The following FAF1 variants were observed in gnomAD, a reference collection of about 807,000 sequenced individuals.
The protein encoded by FAF1 is Fas associated factor 1, also known as FAS-associated factor 1.
FAF1 carries 25 observed loss-of-function variants against 92.5 expected under a neutral mutation model. The observed-to-expected ratio is 0.27, with a 90% CI of 0.20 to 0.38. The LOEUF is 0.38. Among genes scored for constraint, FAF1 ranks in the 10% least tolerant of loss-of-function variants. FAF1 has a pLI of 1.00. For missense variants in FAF1, 636 were observed against 793.3 expected, an observed-to-expected ratio of 0.80 and a Z score of 2.38; for synonymous variants, 234 against 273.2, an observed-to-expected ratio of 0.86 and a Z score of 1.42.
chr1:50,731,631 G>A (rs919589144), intron 6 of FAF1, among the ~76,000 whole-genome samples: 13 of 152,006 alleles, frequency 8.6e-5, no homozygotes, highest in African/African-American at 2.9e-4. Flanking sequence ...GCATCCCAAA[G>A]TGCTGGGATT....
chr1:50,452,040 G>A, intron 18 of FAF1: 1 of 1,310,072 alleles, frequency 7.6e-7, no homozygotes, highest in Middle Eastern at 2.2e-4. Context: ...AAGGCCCAGA[G>A]GGGATTCTAT....
intron 2 of FAF1, among the ~76,000 whole-genome samples, chr1:50,807,483 C>G (rs1662253247): frequency 6.6e-6 from 1 of 152,198 alleles, no homozygotes; most frequent in Non-Finnish European, 1.5e-5. Context: ...ACTATCAGAT[C>G]TCATGAGAAC....
chr1:50,898,510 T>A (rs1181613222), intron 1 of FAF1, among the ~76,000 whole-genome samples: 5 of 152,230 alleles, frequency 3.3e-5, no homozygotes, highest in Non-Finnish European at 5.9e-5. Context: ...AAATTCTGTA[T>A]AATATGCTAC....
chr1:50,508,895 G>A (rs1276636491), intron 15 of FAF1, among the ~76,000 whole-genome samples: 1 of 152,078 alleles, frequency 6.6e-6, no homozygotes, highest in Non-Finnish European at 1.5e-5. Flanking sequence ...GTAGAGACGG[G>A]GTTTCACCAT....
intron 1 of FAF1, among the ~76,000 whole-genome samples, chr1:50,948,772 G>C (rs529640138): frequency 1.3e-5 from 2 of 151,928 alleles, no homozygotes; most frequent in African/African-American, 4.8e-5. Context: ...GTGATCCACC[G>C]GCCTTGGCCT....
intron 2 of FAF1, among the ~76,000 whole-genome samples, chr1:50,814,402 T>G (rs955104187): frequency 2.6e-5 from 4 of 152,106 alleles, no homozygotes; most frequent in Non-Finnish European, 4.4e-5. Context: ...TACAGACAAA[T>G]GTTGTTTTGG....
At chr1:50,611,854 G>A (rs1043176093) in intron 8 of FAF1, among the ~76,000 whole-genome samples, 5 of 152,162 alleles carry the variant, frequency 3.3e-5, no homozygotes, top group African/African-American at 4.8e-5. Flanking sequence ...ACCCACACAC[G>A]TATATACACA....
intron 4 of FAF1, among the ~76,000 whole-genome samples, chr1:50,770,362 A>G (rs982950959): frequency 2.0e-5 from 3 of 152,172 alleles, no homozygotes; most frequent in African/African-American, 7.2e-5. Flanking sequence ...AAACTCCACA[A>G]TATCTGTCCA....
intron 7 of FAF1, among the ~76,000 whole-genome samples, chr1:50,681,103 G>C (rs963104315): frequency 1.3e-5 from 2 of 152,120 alleles, no homozygotes; most frequent in African/African-American, 4.8e-5. Context: ...CTGGAGTGCA[G>C]TGGCATGATC....
Position 50,694,061 on chromosome 1 carries a change from T to C in FAF1, c.657+11725A>G, listed in dbSNP as rs111495700. Among the ~76,000 whole-genome samples the C allele has an allele frequency of 3.3e-3, 463 of 140,080 alleles. 5 individuals carry two copies. The highest frequency in any genetic ancestry group is 0.014 in the African/African-American group (436 of 30,180). 91.9% of individuals were successfully genotyped at this position (140,080 alleles called of 152,430 possible). On this transcript the variant is annotated intron_variant, in intron 7 of 18. Transcript: ENST00000396153. ...ATATACATGACATGTATGACATATA[T>C]ATGACATATACATGACATATATATA...
chr1:50,920,427 CCT>C (rs1254729836), intron 1 of FAF1, among the ~76,000 whole-genome samples: 1 of 152,064 alleles, frequency 6.6e-6, no homozygotes, highest in Non-Finnish European at 1.5e-5. Flanking sequence ...AGACATTGTC[CCT>C]GATTGCCTGG....
chr1:50,838,476 A>G (rs1470407842), intron 2 of FAF1, among the ~76,000 whole-genome samples: 1 of 148,688 alleles, frequency 6.7e-6, no homozygotes, highest in African/African-American at 2.4e-5. Flanking sequence ...CAAATATATA[A>G]TTATATATAA....
Position 50,723,541 on chromosome 1 carries a change from T to G in FAF1, c.551+15322A>C, listed in dbSNP as rs574669909. ...TTGGGATAACAGGGAGAGAGGAGAG[T>G]AGAGTGGCTAGAATGGCCTCAGTAC... On this transcript the variant is annotated intron_variant, in intron 6 of 18. Coordinates refer to ENST00000396153, the MANE Select transcript of FAF1 (RefSeq NM_007051.3). Among the ~76,000 whole-genome samples the G allele has an allele frequency of 6.6e-5, 10 of 151,784 alleles. No homozygotes were observed. In the South Asian group the frequency reaches 1.0e-3, roughly 16 times the overall value.
chr1:50,691,200 T>C (rs544302359), intron 7 of FAF1, among the ~76,000 whole-genome samples: 2 of 152,312 alleles, frequency 1.3e-5, no homozygotes, highest in Admixed American at 1.3e-4. Flanking sequence ...CAATGCGTAA[T>C]AGTTCTCATT....
intron 1 of FAF1, among the ~76,000 whole-genome samples, chr1:50,919,449 A>C (rs953805755): frequency 1.3e-5 from 2 of 152,160 alleles, no homozygotes; most frequent in Non-Finnish European, 2.9e-5. Flanking sequence ...AAAATACATG[A>C]AAAGAATAAA....
intron 15 of FAF1, among the ~76,000 whole-genome samples, chr1:50,505,970 T>A (rs1431874096): frequency 6.6e-6 from 1 of 152,176 alleles, no homozygotes; most frequent in African/African-American, 2.4e-5. Flanking sequence ...TCAGAAGCTA[T>A]AATTTAGTTC....
In FAF1 at chr1:50,679,680, A is replaced by G. The variant is rs11205756; in HGVS notation, c.658-24152T>C. ...ACTAGCCACATTTTTACTGATGAATAAAAGTATAACATTATGTAGTTAAAA... is the reference window on the plus strand; with the variant it reads ...ACTAGCCACATTTTTACTGATGAATGAAAGTATAACATTATGTAGTTAAAA... On this transcript the variant is annotated intron_variant, in intron 7 of 18. Coordinates refer to ENST00000396153, the MANE Select transcript of FAF1 (RefSeq NM_007051.3). Among the ~76,000 whole-genome samples the G allele has an allele frequency of 9.9e-3, 1,501 of 152,352 alleles. 23 individuals carry two copies. Among genetic ancestry groups the G allele is most frequent in the African/African-American group, 0.034 (1,423 of 41,582 alleles).
In FAF1 at chr1:50,499,424, G is replaced by A. The variant is rs543455067; in HGVS notation, c.1495-7623C>T. On this transcript the variant is annotated intron_variant, in intron 15 of 18. Coordinates refer to ENST00000396153, the MANE Select transcript of FAF1 (RefSeq NM_007051.3). ...TTATCAGGCTAAGGACATTTTACTC[G>A]ATTCCTATTTTACTGGAAATTCTTA... Among the ~76,000 whole-genome samples, 110 of 140,980 alleles carry A rather than the reference G, an allele frequency of 7.8e-4. 1 individual carries two copies. In the South Asian group the frequency reaches 0.022, roughly 28 times the overall value. The allele number at this position is 140,980 out of a possible 152,430, so 92.5% of individuals were successfully genotyped here.
chr1:50,768,507 A>G (rs557799201), intron 4 of FAF1, among the ~76,000 whole-genome samples: 2 of 152,300 alleles, frequency 1.3e-5, no homozygotes, highest in Admixed American at 1.3e-4. Flanking sequence ...TACATGGTAC[A>G]TACTCTAAAT....
Sources: gnomAD v4.1 joint callset for allele counts (sites outside exome capture counted in the v4.1 genomes callset) on GRCh38, gnomAD v4.1.1 for gene constraint, MANE v1.5 for transcripts, NCBI Gene and HGNC (gene_info 2026-07-23, HGNC 2026-07-21) for gene names.